Variants in TRIM5 observed in about 807,000 individuals in gnomAD.
TRIM5 encodes the protein tripartite motif containing 5.
In TRIM5, 31 loss-of-function variants were observed where a neutral mutation model predicts 35.6. The ratio of observed to expected loss-of-function variants is 0.87; its 90% CI spans 0.65 to 1.18. The LOEUF (loss-of-function observed/expected upper bound fraction) is 1.18, where lower values mean the gene tolerates loss of function less well. Ranked by LOEUF, TRIM5 falls within the 50% of genes most tolerant of loss-of-function variation. The pLI, the probability that TRIM5 is intolerant of heterozygous loss-of-function variation, is 0.00. For missense variants in TRIM5, 609 were observed against 591.6 expected (o/e 1.03, Z -0.31); for synonymous variants, 243 against 215.6 (o/e 1.13, Z -1.11).
chr11:5,590,113 T>C, the TRIM5 span: 4,225 of 155,824 alleles, frequency 0.027, 210 homozygotes, highest in African/African-American at 0.096. Context: ...GCTGCCTTCC[T>C]GCGGGGCAGG....
the TRIM5 span, among the ~76,000 whole-genome samples, chr11:5,628,547 T>G: frequency 6.6e-6 from 1 of 152,172 alleles, no homozygotes; most frequent in African/African-American, 2.4e-5. Context: ...GATGGATGGT[T>G]AGAGGAGTAG....
the TRIM5 span, among the ~76,000 whole-genome samples, chr11:5,624,158 T>C: frequency 1.3e-5 from 2 of 152,202 alleles, no homozygotes; most frequent in Admixed American, 1.3e-4. Flanking sequence ...GGCACAAAAC[T>C]CCTGATTTAC....
the TRIM5 span, among the ~76,000 whole-genome samples, chr11:5,657,707 AAT>A: frequency 6.7e-3 from 857 of 128,294 alleles, 19 homozygotes; most frequent in African/African-American, 0.024. Flanking sequence ...AATATATATA[AAT>A]ATATATATAT....
At chr11:5,654,271 A>C in the TRIM5 span, among the ~76,000 whole-genome samples, 1 of 152,048 alleles carries the variant, frequency 6.6e-6, no homozygotes, top group African/African-American at 2.4e-5. Context: ...CATCTGGTTA[A>C]TAGTCATTTC....
the TRIM5 span, among the ~76,000 whole-genome samples, chr11:5,605,983 A>G: frequency 3.1e-3 from 467 of 152,222 alleles, 2 homozygotes; most frequent in African/African-American, 8.7e-3. Flanking sequence ...GCACCACCCC[A>G]GATGTGACAA....
At chr11:5,623,431 G>C in the TRIM5 span, among the ~76,000 whole-genome samples, 2 of 151,554 alleles carry the variant, frequency 1.3e-5, no homozygotes, top group Non-Finnish European at 2.9e-5. Flanking sequence ...GCAGTGGTGC[G>C]ATCTCGGCTC....
At chr11:5,682,538 T>C (rs12287154) in intron 1 of TRIM5, among the ~76,000 whole-genome samples, 59,261 of 151,776 alleles carry the variant, frequency 0.39, 11,858 homozygotes, top group Non-Finnish European at 0.45. Flanking sequence ...CCTTTATGTA[T>C]AGACAAAGTT....
intron 4 of TRIM5, among the ~76,000 whole-genome samples, chr11:5,674,402 T>C (rs1054476686): frequency 1.3e-5 from 2 of 152,188 alleles, no homozygotes; most frequent in African/African-American, 2.4e-5. Flanking sequence ...CATGGAAGAA[T>C]GTAGGAAGGA....
At chr11:5,634,830 G>A in the TRIM5 span, 31 of 1,612,898 alleles carry the variant, frequency 1.9e-5, no homozygotes, top group African/African-American at 2.7e-5. Context: ...GTGGAGTGTC[G>A]GAGTCAGTGG....
chr11:5,638,259 C>T, the TRIM5 span, among the ~76,000 whole-genome samples: 3 of 152,080 alleles, frequency 2.0e-5, no homozygotes, highest in Non-Finnish European at 4.4e-5. Flanking sequence ...TTGCTATCAA[C>T]TAAAATCTGA....
the TRIM5 span, among the ~76,000 whole-genome samples, chr11:5,617,504 T>C: frequency 7.1e-6 from 1 of 141,242 alleles, no homozygotes; most frequent in African/African-American, 2.6e-5. Flanking sequence ...TTTTTTTTTT[T>C]TCAGGCAGAG....
the TRIM5 span, chr11:5,643,746 A>T: frequency 3.8e-4 from 585 of 1,532,724 alleles, 3 homozygotes; most frequent in South Asian, 6.5e-3. Flanking sequence ...CTTTGTCTTG[A>T]CTTATCTCCT....
rs1206659239 is a variant in TRIM5, at chr11:5,680,171, A to G, written c.7T>C (p.Ser3Pro). 6.2e-7 allele frequency: 1 copy of G among 1,603,758 alleles called. No individual in the cohort carries two copies. The highest frequency in any genetic ancestry group is 1.7e-5 in the Admixed American group (1 of 59,528). The stretch of plus-strand genomic sequence containing the variant: ...TCCTTTACATTAACCAGGATTCCAG[A>G]AGCCATAGTAGCTATTCCACTGCTC... MA[S>P]GILVNVKEEV... is the part of the protein sequence containing the mutation. The change falls in exon 2 of 8, where the codon TCT (serine) becomes CCT (proline). Residue 3 changes from serine (S) to proline (P), a missense_variant. Physicochemically the swap from Ser to Pro is moderately conservative, Grantham distance 74. Coordinates refer to ENST00000380034, the MANE Select transcript of TRIM5 (RefSeq NM_033034.3).
At chr11:5,603,769 A>G in the TRIM5 span, 1 of 1,605,880 alleles carries the variant, frequency 6.2e-7, no homozygotes. Flanking sequence ...AGACAGAGAA[A>G]CAGGGTCTTT....
the TRIM5 span, among the ~76,000 whole-genome samples, chr11:5,655,132 G>T: frequency 2.0e-4 from 31 of 151,670 alleles, no homozygotes; most frequent in Non-Finnish European, 3.7e-4. Flanking sequence ...GGTGGAGGTT[G>T]CAGTGAGCAG....
the TRIM5 span, among the ~76,000 whole-genome samples, chr11:5,634,061 G>A: frequency 3.9e-5 from 6 of 152,156 alleles, no homozygotes; most frequent in African/African-American, 1.4e-4. Flanking sequence ...GCTAGAAAGT[G>A]GACATGTTAC....
chr11:5,680,542 CCAT>C (rs1250827390), intron 1 of TRIM5, among the ~76,000 whole-genome samples: 1 of 152,030 alleles, frequency 6.6e-6, no homozygotes, highest in African/African-American at 2.4e-5. Context: ...TTTGTGTGAC[CCAT>C]CATCTCTCCT....
the TRIM5 span, chr11:5,633,753 A>C: frequency 6.4e-7 from 1 of 1,564,802 alleles, no homozygotes; most frequent in South Asian, 1.2e-5. Context: ...TCCTCTATCC[A>C]GATACTAAGA....
chr11:5,664,774 G>A lies in TRIM5; in HGVS notation c.*35C>T, dbSNP rs756391552. 1.4e-5 allele frequency: 21 copies of A among 1,540,342 alleles called. No homozygotes were observed. In the East Asian group the frequency reaches 4.5e-4, roughly 33 times the overall value. ...TGTATGAGATGCACCTGGACAAGAG[G>A]TGCTGTACAGAAGGGGCTGAGTGTG... On this transcript the variant is annotated 3_prime_UTR_variant, in exon 8 of 8. Coordinates refer to ENST00000380034, the MANE Select transcript of TRIM5 (RefSeq NM_033034.3).
Sources: gnomAD v4.1 joint callset for allele counts (sites outside exome capture counted in the v4.1 genomes callset) on GRCh38, gnomAD v4.1.1 for gene constraint, MANE v1.5 for transcripts, NCBI Gene and HGNC (gene_info 2026-07-23, HGNC 2026-07-21) for gene names.